INVS: variants seen among roughly 807,000 people sequenced by gnomAD.
INVS encodes the protein inversion of embryo turning homolog.
A neutral mutation model predicts 108.8 loss-of-function variants in INVS; 86 were observed. That is an observed-to-expected ratio of 0.79 (90% confidence interval 0.66 to 0.95). INVS has a LOEUF of 0.95. INVS is among the 40% of genes least tolerant of loss of function. INVS has a pLI of 0.00. For synonymous variants in INVS, 455 were observed against 473.5 expected, an observed-to-expected ratio of 0.96 and a Z score of 0.51; for missense variants, 1,169 against 1,297.4, an observed-to-expected ratio of 0.90 and a Z score of 1.52.
In INVS at chr9:100,232,593, A is replaced by G. The variant is rs578237707; in HGVS notation, c.615+2766A>G. Among the ~76,000 whole-genome samples, 23 of 152,278 alleles carry G rather than the reference A, an allele frequency of 1.5e-4. 1 individual carries two copies. The South Asian group carries it at 4.6e-3, about 30-fold the overall frequency. On this transcript the variant is annotated intron_variant, in intron 5 of 16. Transcript: ENST00000262457. ...ATATGGCCAGCCAGTTTTCCAAACAACATTTAGGAAATAGGGAATCCTTTC... is the reference window on the plus strand; with the variant it reads ...ATATGGCCAGCCAGTTTTCCAAACAGCATTTAGGAAATAGGGAATCCTTTC...
intron 3 of INVS, among the ~76,000 whole-genome samples, chr9:100,147,494 T>G (rs1049309297): frequency 3.9e-5 from 6 of 152,230 alleles, no homozygotes; most frequent in African/African-American, 1.4e-4. Context: ...CCTCATTGTG[T>G]TGGTGAGGCT....
intron 3 of INVS, among the ~76,000 whole-genome samples, chr9:100,173,001 G>A (rs956369750): frequency 6.6e-6 from 1 of 152,050 alleles, no homozygotes; most frequent in Non-Finnish European, 1.5e-5. Context: ...AGTGGTCAGT[G>A]CAGGGCTACC....
rs1833944547 is a variant in INVS, at chr9:100,300,815, GAAAGA to G, written c.*145_*149del. The G allele has an allele frequency of 1.5e-6, 1 of 684,356 alleles. No individual in the cohort carries two copies. The highest frequency in any genetic ancestry group is 2.2e-5 in the Admixed American group (1 of 45,972). 42.4% of individuals were successfully genotyped at this position (684,356 alleles called of 1,614,324 possible). On this transcript the variant is annotated 3_prime_UTR_variant, in exon 17 of 17. Coordinates refer to ENST00000262457, the MANE Select transcript of INVS (RefSeq NM_014425.5). ...TGATTCACCTAAAAATGTGTTAACT[GAAAGA>G]AAATGTCAGAATGTTTCCTTTCTGC...
At chr9:100,169,068 A>G (rs1217635483) in intron 3 of INVS, among the ~76,000 whole-genome samples, 1 of 152,218 alleles carries the variant, frequency 6.6e-6, no homozygotes, top group African/African-American at 2.4e-5. Context: ...CATTAAACTG[A>G]TAGATTAGTT....
chr9:100,161,623 A>C (rs1463581792), intron 3 of INVS, among the ~76,000 whole-genome samples: 1 of 151,882 alleles, frequency 6.6e-6, no homozygotes, highest in East Asian at 1.9e-4. Context: ...AGATGGATGG[A>C]TGGATGGATG....
chr9:100,261,224 T>C (rs751168700), intron 10 of INVS, among the ~76,000 whole-genome samples: 23 of 152,076 alleles, frequency 1.5e-4, no homozygotes, highest in Non-Finnish European at 3.1e-4. Flanking sequence ...AAGAAAAGTA[T>C]GTAAAATATG....
intron 2 of INVS, among the ~76,000 whole-genome samples, chr9:100,120,119 A>G (rs1368105135): frequency 6.6e-6 from 1 of 152,218 alleles, no homozygotes; most frequent in Non-Finnish European, 1.5e-5. Context: ...TCTAAAACAT[A>G]TGGGAGCCCT....
intron 3 of INVS, among the ~76,000 whole-genome samples, chr9:100,155,390 G>A (rs1427500774): frequency 1.2e-4 from 18 of 152,188 alleles, no homozygotes. Flanking sequence ...AGGGTGGAGT[G>A]TAGTGGTACA....
chr9:100,104,932 A>G (rs1462327528), intron 2 of INVS, among the ~76,000 whole-genome samples: 1 of 152,240 alleles, frequency 6.6e-6, no homozygotes, highest in African/African-American at 2.4e-5. Flanking sequence ...GAAACAGTGG[A>G]TAATCTTTTA....
At chr9:100,253,808 T>C (rs552650540) in intron 10 of INVS, among the ~76,000 whole-genome samples, 1 of 152,316 alleles carries the variant, frequency 6.6e-6, no homozygotes, top group East Asian at 1.9e-4. Context: ...CTTAATCCAG[T>C]CTATCATTGA....
chr9:100,263,409 A>AT (rs1213886715), intron 10 of INVS, among the ~76,000 whole-genome samples: 2 of 151,960 alleles, frequency 1.3e-5, no homozygotes, highest in Non-Finnish European at 2.9e-5. Flanking sequence ...CATTTTTTTA[A>AT]TTTTTTAGTT....
In INVS at chr9:100,292,536, C is replaced by T. The variant is rs1324519096; in HGVS notation, c.2279C>T (p.Ser760Phe). ...VAGPDEKGED[S>F]RRAAASLPPH... ...GGGCCTGATGAGAAAGGAGAGGACT[C>T]CAGGCGGGCAGCTGCAAGCCTTCCA... Residue 760 changes from serine to phenylalanine, a missense_variant, in exon 14 of 17, where the codon TCC (serine) becomes TTC (phenylalanine). By Grantham distance (155) the Ser-to-Phe change is radical. Transcript: ENST00000262457. 7.4e-6 allele frequency: 12 copies of T among 1,613,998 alleles called. No homozygotes were observed. The highest frequency in any genetic ancestry group is 1.3e-5 in the African/African-American group (1 of 74,904).
intron 3 of INVS, among the ~76,000 whole-genome samples, chr9:100,198,619 ACT>A (rs1210126315): frequency 7.2e-6 from 1 of 138,678 alleles, no homozygotes; most frequent in Non-Finnish European, 1.6e-5. Flanking sequence ...TTGGAGACAG[ACT>A]CTTGCTCTGT....
At chr9:100,222,113 A>C (rs904753616) in intron 3 of INVS, among the ~76,000 whole-genome samples, 1 of 152,202 alleles carries the variant, frequency 6.6e-6, no homozygotes, top group Non-Finnish European at 1.5e-5. Flanking sequence ...TGTGTATATT[A>C]CAATCAGATC....
chr9:100,271,772 T>C (rs961534454), intron 11 of INVS, among the ~76,000 whole-genome samples: 1 of 152,230 alleles, frequency 6.6e-6, no homozygotes, highest in Non-Finnish European at 1.5e-5. Context: ...AGTACTCTTC[T>C]GGGAACTGTT....
chr9:100,252,190 G>T, intron 8 of INVS, 93 bp from the exon 9 acceptor site: 1 of 1,367,180 alleles, frequency 7.3e-7, no homozygotes, highest in Non-Finnish European at 1.0e-6. Flanking sequence ...TATTCAAAAT[G>T]ATGGGGAAAT....
chr9:100,248,905 T>A (rs933312514), intron 8 of INVS, among the ~76,000 whole-genome samples: 5 of 151,916 alleles, frequency 3.3e-5, no homozygotes, highest in Non-Finnish European at 5.9e-5. Context: ...AGTTAAAAAA[T>A]AATAATAATA....
intron 10 of INVS, among the ~76,000 whole-genome samples, chr9:100,260,748 G>A (rs909385664): frequency 6.6e-6 from 1 of 152,060 alleles, no homozygotes; most frequent in African/African-American, 2.4e-5. Context: ...AGCTTGGGGG[G>A]AGATTTAATA....
chr9:100,192,708 C>T (rs1044643878), intron 3 of INVS, among the ~76,000 whole-genome samples: 16 of 152,294 alleles, frequency 1.1e-4, no homozygotes, highest in African/African-American at 3.6e-4. Context: ...TGCCATATAT[C>T]TTGGGCAATA....
Sources: gnomAD v4.1 joint callset for allele counts (sites outside exome capture counted in the v4.1 genomes callset) on GRCh38, gnomAD v4.1.1 for gene constraint, MANE v1.5 for transcripts, NCBI Gene and HGNC (gene_info 2026-07-23, HGNC 2026-07-21) for gene names.